Variants in PHACTR1 observed in about 807,000 individuals in gnomAD.
PHACTR1 encodes RPEL repeat containing 1.
In PHACTR1, 16 loss-of-function variants were observed where a neutral mutation model predicts 69.2. That is an observed-to-expected ratio of 0.23 (90% CI 0.16 to 0.35). The LOEUF is 0.35. Ranked by LOEUF, PHACTR1 falls within the 10% of genes least tolerant of loss-of-function variation. PHACTR1 has a pLI of 1.00. For synonymous variants in PHACTR1, 312 were observed against 284.5 expected (o/e 1.10, Z -0.97); for missense variants, 510 against 734.7 (o/e 0.69, Z 3.54).
intron 5 of PHACTR1, among the ~76,000 whole-genome samples, chr6:13,093,918 C>A (rs571418743): frequency 6.6e-6 from 1 of 152,148 alleles, no homozygotes; most frequent in Admixed American, 6.5e-5. Context: ...GTCACCCGGG[C>A]TGGGGTGCAG....
intron 10 of PHACTR1, among the ~76,000 whole-genome samples, chr6:13,240,995 T>A (rs1394207585): frequency 6.6e-6 from 1 of 152,128 alleles, no homozygotes; most frequent in Non-Finnish European, 1.5e-5. Flanking sequence ...GAGAAGCACA[T>A]CTTCTAAATC....
chr6:12,831,730 CTT>C (rs775880281), intron 4 of PHACTR1, among the ~76,000 whole-genome samples: 17 of 152,158 alleles, frequency 1.1e-4, no homozygotes, highest in Non-Finnish European at 2.2e-4. Context: ...ACAGTAATGA[CTT>C]TTCTTCTTCT....
intron 4 of PHACTR1, among the ~76,000 whole-genome samples, chr6:13,005,310 C>G (rs193292351): frequency 1.7e-3 from 253 of 151,746 alleles, no homozygotes; most frequent in African/African-American, 5.8e-3. Flanking sequence ...TCTATACATA[C>G]AGTATATATG....
At chr6:13,201,599 C>T (rs150856651) in intron 7 of PHACTR1, among the ~76,000 whole-genome samples, 462 of 152,126 alleles carry the variant, frequency 3.0e-3, no homozygotes, top group Non-Finnish European at 5.2e-3. Flanking sequence ...ATTATCCACA[C>T]GATAAGAGGA....
chr6:13,198,655 C>T lies in PHACTR1; in HGVS notation c.665-7160C>T, dbSNP rs1464953756. 4.6e-5 allele frequency among the ~76,000 whole-genome samples: 7 copies of T among 151,936 alleles called. No individual in the cohort carries two copies. In the South Asian group the frequency reaches 6.2e-4, roughly 14 times the overall value. On this transcript the variant is annotated intron_variant, in intron 7 of 14. Coordinates refer to ENST00000332995, the MANE Select transcript of PHACTR1 (RefSeq NM_030948.6). ...AAAAACGAAAGAAAAGAAAAAGATC[C>T]GTGCATAAATCCCGTCATGTTTTAA... is the stretch of plus-strand genomic sequence containing the variant.
At chr6:12,826,557 A>G (rs1376363489) in intron 4 of PHACTR1, among the ~76,000 whole-genome samples, 2 of 152,212 alleles carry the variant, frequency 1.3e-5, no homozygotes, top group Admixed American at 6.5e-5. Flanking sequence ...CTCAGGAAGA[A>G]AGCATACAGG....
At chr6:12,968,815 C>G (rs1175019064) in intron 4 of PHACTR1, among the ~76,000 whole-genome samples, 1 of 152,120 alleles carries the variant, frequency 6.6e-6, no homozygotes, top group African/African-American at 2.4e-5. Flanking sequence ...AGGCATTTCA[C>G]CAGGGAGTTC....
At chr6:12,981,168 G>A (rs766784909) in intron 4 of PHACTR1, among the ~76,000 whole-genome samples, 17 of 152,290 alleles carry the variant, frequency 1.1e-4, no homozygotes, top group African/African-American at 3.4e-4. Context: ...TTTTCAATAG[G>A]TGAATGTGAC....
chr6:13,133,205 C>G (rs1252555723), intron 5 of PHACTR1, among the ~76,000 whole-genome samples: 6 of 1,870 alleles, frequency 3.2e-3, no homozygotes, highest in African/African-American at 5.1e-3. Context: ...TTTGGCCTCC[C>G]CCTCCCCCTC....
At chr6:12,825,943 G>T (rs1382001428) in intron 4 of PHACTR1, among the ~76,000 whole-genome samples, 1 of 152,176 alleles carries the variant, frequency 6.6e-6, no homozygotes, top group African/African-American at 2.4e-5. Context: ...TTTAGGAGGG[G>T]ACTTTTCACA....
intron 3 of PHACTR1, among the ~76,000 whole-genome samples, chr6:12,744,328 C>G (rs573248072): frequency 1.3e-5 from 2 of 152,238 alleles, no homozygotes; most frequent in Admixed American, 6.5e-5. Context: ...CTTATGCAAA[C>G]AAGTATATTG....
At chr6:13,072,449 C>G (rs957688502) in intron 5 of PHACTR1, among the ~76,000 whole-genome samples, 2 of 149,130 alleles carry the variant, frequency 1.3e-5, no homozygotes, top group Non-Finnish European at 3.0e-5. Flanking sequence ...TTAATTCTGA[C>G]AGTCTTATAC....
chr6:13,058,911 G>A (rs561897538), intron 5 of PHACTR1, among the ~76,000 whole-genome samples: 2 of 152,190 alleles, frequency 1.3e-5, no homozygotes, highest in South Asian at 4.2e-4. Flanking sequence ...ATTCTGCCTC[G>A]TTTAGAGCAA....
intron 6 of PHACTR1, among the ~76,000 whole-genome samples, chr6:13,170,990 T>TC (rs1760524452): frequency 1.3e-5 from 2 of 152,164 alleles, no homozygotes; most frequent in South Asian, 4.1e-4. Flanking sequence ...GCCTGTCATC[T>TC]CATAAAGGAC....
intron 5 of PHACTR1, among the ~76,000 whole-genome samples, chr6:13,056,602 C>T (rs1312949832): frequency 6.6e-6 from 1 of 152,082 alleles, no homozygotes; most frequent in Non-Finnish European, 1.5e-5. Flanking sequence ...TATTCAACAC[C>T]ACTGAAAGAA....
intron 4 of PHACTR1, among the ~76,000 whole-genome samples, chr6:12,788,632 AT>A (rs1771846772): frequency 6.6e-6 from 1 of 152,244 alleles, no homozygotes; most frequent in African/African-American, 2.4e-5. Flanking sequence ...TAGTTAATTT[AT>A]TTAAGGATAT....
At chr6:13,075,292 G>A (rs1004243312) in intron 5 of PHACTR1, among the ~76,000 whole-genome samples, 1 of 152,266 alleles carries the variant, frequency 6.6e-6, no homozygotes, top group South Asian at 2.1e-4. Context: ...GAGAGGTTAA[G>A]CAACTTGCCC....
rs557716356 is a variant in PHACTR1 at position 12,898,250 on chromosome 6, T to G, written c.250+148460T>G. Among the ~76,000 whole-genome samples the G allele has an allele frequency of 2.0e-4, 30 of 152,260 alleles. No homozygotes were observed. The East Asian group carries it at 5.4e-3, about 28-fold the overall frequency. ...CACACGGTCCTGCCCTCTACCATTT[T>G]CTCTTCTCTGGAAAGCTTCCCTGCC... On this transcript the variant is annotated intron_variant, in intron 4 of 14. Transcript: ENST00000332995.
intron 4 of PHACTR1, among the ~76,000 whole-genome samples, chr6:12,849,974 T>C (rs1779667401): frequency 6.6e-6 from 1 of 152,204 alleles, no homozygotes; most frequent in African/African-American, 2.4e-5. Flanking sequence ...ATTTCCTGGG[T>C]GACTCCATGC....
Sources: gnomAD v4.1 joint callset for allele counts (sites outside exome capture counted in the v4.1 genomes callset) on GRCh38, gnomAD v4.1.1 for gene constraint, MANE v1.5 for transcripts, NCBI Gene and HGNC (gene_info 2026-07-23, HGNC 2026-07-21) for gene names.